The following CTSZ variants were observed in gnomAD, a reference collection of about 807,000 sequenced individuals.
The protein encoded by CTSZ is cathepsin Z.
CTSZ carries 39 observed loss-of-function variants against 32.4 expected under a neutral mutation model. That is an observed-to-expected ratio of 1.20 (90% CI 0.93 to 1.57). CTSZ has a LOEUF of 1.57. Ranked by LOEUF, CTSZ falls within the 40% of genes most tolerant of loss-of-function variation. CTSZ has a pLI of 0.00. For synonymous variants in CTSZ, 168 were observed against 170.1 expected (o/e 0.99, Z 0.10); for missense variants, 397 against 419.6 (o/e 0.95, Z 0.47).
At chr20:58,997,125 G>A (rs1228757471) in intron 4 of CTSZ, among the ~76,000 whole-genome samples, 1 of 138,512 alleles carries the variant, frequency 7.2e-6, no homozygotes, top group Non-Finnish European at 1.5e-5. Flanking sequence ...TCATACCACT[G>A]CACTCCAGCC....
chr20:59,001,494 G>A lies in CTSZ; in HGVS notation c.458C>T (p.Thr153Ile). The A allele has an allele frequency of 1.9e-6, 3 of 1,613,650 alleles. No homozygotes were observed. Among genetic ancestry groups the A allele is most frequent in the Non-Finnish European group, 2.5e-6 (3 of 1,179,600 alleles). The change falls in exon 3 of 6, where the codon ACC becomes ATC. Residue 153 changes from threonine (T) to isoleucine (I), a missense_variant. Coordinates refer to ENST00000217131, the MANE Select transcript of CTSZ (RefSeq NM_001336.4). ...YAHQHGIPDE[T>I]CNNYQAKDQE... The stretch of plus-strand genomic sequence containing the variant: ...GTCCTTGGCCTGGTAGTTGTTGCAG[G>A]TCTCGTCAGGGATGCCGTGCTGGTG...
chr20:59,000,806 G>A (rs1242342889), intron 3 of CTSZ, among the ~76,000 whole-genome samples: 1 of 151,760 alleles, frequency 6.6e-6, no homozygotes. Flanking sequence ...CACGAGGCTG[G>A]AGACATGGGG....
chr20:58,995,577 CAT>C lies in CTSZ; in HGVS notation c.*70_*71del. ...AGTTCCTGCCAGCCAGCCTGGCACA[CAT>C]AACCATAGGATCCCCTCTGGTCATG... On this transcript the variant is annotated 3_prime_UTR_variant, in exon 6 of 6. Coordinates refer to ENST00000217131, the MANE Select transcript of CTSZ (RefSeq NM_001336.4). The C allele has an allele frequency of 7.0e-7, 1 of 1,419,322 alleles. No individual in the cohort carries two copies. The highest frequency in any genetic ancestry group is 1.2e-5 in the South Asian group (1 of 85,042). 87.9% of individuals were successfully genotyped at this position (1,419,322 alleles called of 1,614,324 possible).
intron 2 of CTSZ, among the ~76,000 whole-genome samples, chr20:59,005,730 G>A (rs1017008215): frequency 3.3e-5 from 5 of 152,176 alleles, no homozygotes; most frequent in African/African-American, 1.2e-4. Flanking sequence ...GCCTGGGGCT[G>A]GTTTGCAGCT....
In CTSZ at chr20:58,996,661, C is replaced by G. The variant is rs371497156; in HGVS notation, c.779G>C (p.Arg260Pro). ...ISDGTEYWIV[R>P]NSWGEPWGER... ...TACCCATGGTTCACCCCATGAATTC[C>G]GGACAATCCAGTACTCAGTCCCATC... Residue 260 changes from arginine to proline, a missense_variant, in exon 5 of 6, where the codon CGG becomes CCG. Arg to Pro is a moderately radical substitution (Grantham distance 103). Transcript: ENST00000217131. The G allele has an allele frequency of 1.9e-6, 3 of 1,614,056 alleles. No individual in the cohort carries two copies. Among genetic ancestry groups the G allele is most frequent in the Non-Finnish European group, 2.5e-6 (3 of 1,180,002 alleles).
Position 59,004,425 on chromosome 20 carries a change from C to T in CTSZ, c.307+1897G>A, listed in dbSNP as rs1175498861. ...GAGACGTGATCAGGAGAATGCTTCACGGTGGGCCCCAGGTGGCAGTGGAAA... is the reference window on the plus strand; with the variant it reads ...GAGACGTGATCAGGAGAATGCTTCATGGTGGGCCCCAGGTGGCAGTGGAAA... On this transcript the variant is annotated intron_variant, in intron 2 of 5. Transcript: ENST00000217131. The surrounding 1 kb of genome is among the most constrained non-coding windows in gnomAD (Gnocchi z 5.6). Among the ~76,000 whole-genome samples, 1 of 151,856 alleles carries T rather than the reference C, an allele frequency of 6.6e-6. No individual in the cohort carries two copies. Among genetic ancestry groups the T allele is most frequent in the Non-Finnish European group, 1.5e-5 (1 of 67,970 alleles).
intron 5 of CTSZ, 114 bp from the exon 6 acceptor site, chr20:58,995,873 G>A: frequency 1.2e-6 from 1 of 845,746 alleles, no homozygotes; most frequent in East Asian, 2.6e-5. Context: ...CAGCCTTGGG[G>A]GATCCAGACA....
chr20:59,007,211 C>CA lies in CTSZ; in HGVS notation c.-84_-83insT, dbSNP rs2091913065. On this transcript the variant is annotated 5_prime_UTR_variant, in exon 1 of 6. Transcript: ENST00000217131. ...CGCCGGCTCCCGCTCTGGATCCCGC[C>CA]CCGGCCTCGGCCTCGGCCCAGCACC... 8.2e-7 allele frequency: 1 copy of CA among 1,221,844 alleles called. No homozygotes were observed. The highest frequency in any genetic ancestry group is 2.7e-5 in the South Asian group (1 of 36,528). The allele number at this position is 1,221,844 out of a possible 1,614,324, so 75.7% of individuals were successfully genotyped here.
At position 59,001,376 on chromosome 20, in the gene CTSZ, G is replaced by A. The variant is rs368824654; in HGVS notation, c.487+89C>T. ...AGCCACCAGCCAATGTGAGGAGCACGGGGTCAGGCTGGGTCCTCAGCCACG... is the reference window on the plus strand; with the variant it reads ...AGCCACCAGCCAATGTGAGGAGCACAGGGTCAGGCTGGGTCCTCAGCCACG... On this transcript the variant is annotated intron_variant, in intron 3 of 5. Transcript: ENST00000217131. The A allele has an allele frequency of 1.3e-3, 1,839 of 1,412,330 alleles. 1 individual carries two copies. The highest frequency in any genetic ancestry group is 1.6e-3 in the Non-Finnish European group (1,635 of 1,046,510). The allele number at this position is 1,412,330 out of a possible 1,614,324, so 87.5% of individuals were successfully genotyped here.
Position 58,995,715 on chromosome 20 carries a change from A to G in CTSZ, c.846T>C (p.Asp282=). ...CAAGGTTGTATCTGGCGCCCTTCCC[A>G]TCCTTATAGGTGCTGGTCACGATCC... ...WLRIVTSTYK[D]GKGARYNLAI... The change falls in exon 6 of 6, where the codon GAT becomes GAC. Residue 282 remains aspartate, a synonymous_variant. Coordinates refer to ENST00000217131, the MANE Select transcript of CTSZ (RefSeq NM_001336.4). 6.2e-7 allele frequency: 1 copy of G among 1,614,032 alleles called. No homozygotes were observed. Among genetic ancestry groups the G allele is most frequent in the Non-Finnish European group, 8.5e-7 (1 of 1,179,968 alleles).
chr20:58,997,944 C>T (rs529214509), intron 3 of CTSZ, among the ~76,000 whole-genome samples, 191 bp from the exon 4 acceptor site: 9 of 152,274 alleles, frequency 5.9e-5, no homozygotes, highest in African/African-American at 1.9e-4. Flanking sequence ...ATGAAAAGCC[C>T]TTCCCCAGGC....
chr20:59,003,622 G>A (rs370274822), intron 2 of CTSZ, among the ~76,000 whole-genome samples: 21 of 152,270 alleles, frequency 1.4e-4, no homozygotes, highest in South Asian at 1.2e-3. Context: ...AAATAAATCC[G>A]GGAGATAATT....
In CTSZ at chr20:59,002,135, C is replaced by T. The variant is rs898990299; in HGVS notation, c.308-491G>A. Reference sequence around the variant, plus strand: ...ATGAGCCCCAGTGAGGGGCCAGATGCGGTCCTGAGGGCTGGGGAAGGCCAG... The same window carrying T: ...ATGAGCCCCAGTGAGGGGCCAGATGTGGTCCTGAGGGCTGGGGAAGGCCAG... On this transcript the variant is annotated intron_variant, in intron 2 of 5. Coordinates refer to ENST00000217131, the MANE Select transcript of CTSZ (RefSeq NM_001336.4). This position sits in a 1 kb window ranked among gnomAD's most constrained non-coding sequence, Gnocchi z 4.1. Among the ~76,000 whole-genome samples the T allele has an allele frequency of 2.6e-5, 4 of 152,214 alleles. No homozygotes were observed. Among genetic ancestry groups the T allele is most frequent in the Non-Finnish European group, 5.9e-5 (4 of 68,028 alleles).
rs754375561 is a variant in CTSZ, at chr20:58,997,588, G to A, written c.638+15C>T. Reference sequence around the variant, plus strand: ...CACCCGCAAACCTCTCTTTGCCCGCGGGACCTCTCCTCACCTGATGGGACC... The same window carrying A: ...CACCCGCAAACCTCTCTTTGCCCGCAGGACCTCTCCTCACCTGATGGGACC... On this transcript the variant is annotated intron_variant, in intron 4 of 5. Coordinates refer to ENST00000217131, the MANE Select transcript of CTSZ (RefSeq NM_001336.4). The A allele has an allele frequency of 4.2e-5, 65 of 1,533,910 alleles. No homozygotes were observed. Among genetic ancestry groups the A allele is most frequent in the Non-Finnish European group, 5.4e-5 (61 of 1,135,702 alleles).
In CTSZ at chr20:58,995,640, G is replaced by C; in HGVS notation, c.*9C>G. ...CCTTTTCTTAAACTGCGCTTCTAGT[G>C]ACATGGCCTTAAACGATGGGGTCCC... On this transcript the variant is annotated 3_prime_UTR_variant, in exon 6 of 6. Transcript: ENST00000217131. The C allele has an allele frequency of 6.2e-7, 1 of 1,612,470 alleles. No homozygotes were observed. Among genetic ancestry groups the C allele is most frequent in the African/African-American group, 1.3e-5 (1 of 75,000 alleles).
At position 59,002,315 on chromosome 20, in the gene CTSZ, C is replaced by CA. The variant is rs1221618048; in HGVS notation, c.308-672dup. The stretch of plus-strand genomic sequence containing the variant: ...CGAGGGACCTGCTTCCCTTCCCATG[C>CA]ACAAATGCAATAAAACAGATCCTAG... On this transcript the variant is annotated intron_variant, in intron 2 of 5. Transcript: ENST00000217131. This position sits in a 1 kb window ranked among gnomAD's most constrained non-coding sequence, Gnocchi z 4.1. Among the ~76,000 whole-genome samples, 11 of 152,300 alleles carry CA rather than the reference C, an allele frequency of 7.2e-5. No individual in the cohort carries two copies. The East Asian group carries it at 2.1e-3, about 29-fold the overall frequency.
Position 59,003,172 on chromosome 20 carries a change from G to A in CTSZ, c.308-1528C>T, listed in dbSNP as rs563124928. ...TCTGGAGTTCCACTTGGCAGTGCAGGGCGTCCCATGGCCTGCCCCCGAGCC... is the reference window on the plus strand; with the variant it reads ...TCTGGAGTTCCACTTGGCAGTGCAGAGCGTCCCATGGCCTGCCCCCGAGCC... On this transcript the variant is annotated intron_variant, in intron 2 of 5. Transcript: ENST00000217131. Among the ~76,000 whole-genome samples the A allele has an allele frequency of 1.7e-4, 26 of 152,298 alleles. No individual in the cohort carries two copies. In the East Asian group the frequency reaches 5.0e-3, roughly 29 times the overall value.
At chr20:59,006,118 T>G (rs898615156) in intron 2 of CTSZ, 3 of 615,848 alleles carry the variant, frequency 4.9e-6, no homozygotes, top group Non-Finnish European at 8.3e-6. Context: ...TAGTCCTGCC[T>G]GTCACCCAAA....
intron 5 of CTSZ, among the ~76,000 whole-genome samples, chr20:58,996,250 A>G (rs1208508271): frequency 6.6e-6 from 1 of 152,204 alleles, no homozygotes; most frequent in Non-Finnish European, 1.5e-5. Flanking sequence ...AGGGGAGCCC[A>G]AAAACCATGA....
Sources: gnomAD v4.1 joint callset for allele counts (sites outside exome capture counted in the v4.1 genomes callset) on GRCh38, gnomAD v4.1.1 for gene constraint, Gnocchi (gnomAD v3.1) non-coding constraint, MANE v1.5 for transcripts, NCBI Gene and HGNC (gene_info 2026-07-23, HGNC 2026-07-21) for gene names.